Variants in DLGAP4 observed in about 807,000 individuals in gnomAD.
DLGAP4 encodes the protein DLG associated protein 4.
A neutral mutation model predicts 86.9 loss-of-function variants in DLGAP4; 18 were observed. That is an observed-to-expected ratio of 0.21 (90% CI 0.14 to 0.31). The LOEUF (loss-of-function observed/expected upper bound fraction) is 0.31. Among genes scored for constraint, DLGAP4 ranks in the 10% least tolerant of loss-of-function variants. DLGAP4 has a pLI of 1.00. For missense variants in DLGAP4, 1,085 were observed against 1,362.6 expected, an observed-to-expected ratio of 0.80 and a Z score of 3.21; for synonymous variants, 548 against 574.3, an observed-to-expected ratio of 0.95 and a Z score of 0.65.
chr20:36,521,891 G>T (rs529557268), intron 10 of DLGAP4, among the ~76,000 whole-genome samples: 5 of 152,262 alleles, frequency 3.3e-5, no homozygotes, highest in African/African-American at 1.2e-4. Flanking sequence ...TCCTGTGTCA[G>T]TTCCCTTTTA....
intron 2 of DLGAP4, among the ~76,000 whole-genome samples, chr20:36,399,845 T>C (rs577836331): frequency 3.3e-5 from 5 of 152,268 alleles, no homozygotes; most frequent in Admixed American, 2.0e-4. Context: ...CTGAATCTGC[T>C]AGTCAGGCTG....
In DLGAP4 at chr20:36,496,790, C is replaced by T. The variant is rs1310979416; in HGVS notation, c.1734C>T (p.Val578=). Residue 578 remains valine (V), a synonymous_variant, in exon 8 of 13, where the codon GTC becomes GTT. Coordinates refer to ENST00000339266, the MANE Select transcript of DLGAP4 (RefSeq NM_001365621.2). ...CAAAGCCGTTCATCTCAGTCACAGT[C>T]CAGAGCAGTACTGAGTCTGCCCAGG... The part of the protein sequence containing the change: ...TTSKPFISVT[V]QSSTESAQDT... 6.2e-7 allele frequency: 1 copy of T among 1,614,238 alleles called. No homozygotes were observed. Among genetic ancestry groups the T allele is most frequent in the East Asian group, 2.2e-5 (1 of 44,878 alleles).
chr20:36,516,896 G>A (rs1233654520), intron 10 of DLGAP4, among the ~76,000 whole-genome samples: 1 of 151,896 alleles, frequency 6.6e-6, no homozygotes, highest in Admixed American at 6.6e-5. Flanking sequence ...TTCAAGACTA[G>A]CCTGGGCAAC....
At chr20:36,374,595 T>C (rs2031079737) in intron 2 of DLGAP4, among the ~76,000 whole-genome samples, 2 of 152,224 alleles carry the variant, frequency 1.3e-5, no homozygotes, top group Admixed American at 6.5e-5. Flanking sequence ...CTCTGCCTTG[T>C]GCTGGAAGCA....
At chr20:36,461,464 G>C in intron 7 of DLGAP4, 2 of 980,072 alleles carry the variant, frequency 2.0e-6, no homozygotes, top group Middle Eastern at 5.3e-4. Context: ...CCCGCCCCTC[G>C]GGCGTACAAA....
intron 1 of DLGAP4, among the ~76,000 whole-genome samples, chr20:36,360,752 G>T (rs1196660924): frequency 6.6e-6 from 1 of 151,956 alleles, no homozygotes; most frequent in Admixed American, 6.6e-5. Context: ...GAGCATGGGG[G>T]GCTGGACATG....
At chr20:36,461,355 C>T (rs1468406605) in intron 7 of DLGAP4, 2 of 693,598 alleles carry the variant, frequency 2.9e-6, no homozygotes, top group Non-Finnish European at 3.5e-6. Flanking sequence ...AAGCGGGCTG[C>T]GCGCGCCCCT....
At chr20:36,411,973 T>A (rs1315048919) in intron 2 of DLGAP4, among the ~76,000 whole-genome samples, 1 of 152,214 alleles carries the variant, frequency 6.6e-6, no homozygotes, top group African/African-American at 2.4e-5. Flanking sequence ...TTAATCTCTG[T>A]CTTCACTGGG....
chr20:36,512,067 T>G (rs2036731287), intron 10 of DLGAP4, among the ~76,000 whole-genome samples: 1 of 148,220 alleles, frequency 6.7e-6, no homozygotes, highest in Non-Finnish European at 1.5e-5. Flanking sequence ...TTTTTTTTTT[T>G]TGAGAGAGAG....
intron 1 of DLGAP4, among the ~76,000 whole-genome samples, chr20:36,332,589 CA>C (rs1162584777): frequency 6.6e-6 from 1 of 152,044 alleles, no homozygotes; most frequent in Non-Finnish European, 1.5e-5. Flanking sequence ...AGGGTTTTGC[CA>C]TGTTGGTCAG....
intron 1 of DLGAP4, among the ~76,000 whole-genome samples, chr20:36,336,134 C>T (rs782523180): frequency 1.3e-5 from 2 of 152,200 alleles, no homozygotes; most frequent in East Asian, 1.9e-4. Flanking sequence ...ACCTCCACCA[C>T]GAACTTCCTC....
chr20:36,513,554 C>CAAAAAAAAAAA (rs562398294), intron 10 of DLGAP4, among the ~76,000 whole-genome samples: 1 of 40,550 alleles, frequency 2.5e-5, no homozygotes, highest in Non-Finnish European at 4.8e-5. Context: ...GACTCCGTCT[C>CAAAAAAAAAAA]AAAAAAAAAA....
chr20:36,391,401 CCCCAGGGACCAGGTT>C (rs2031780364), intron 2 of DLGAP4, among the ~76,000 whole-genome samples: 1 of 152,196 alleles, frequency 6.6e-6, no homozygotes, highest in South Asian at 2.1e-4. Flanking sequence ...ATAAAGCCAG[CCCCAGGGACCAGGTT>C]CAGAGCAGCT....
chr20:36,493,814 G>A (rs1428691572), intron 7 of DLGAP4, among the ~76,000 whole-genome samples: 1 of 152,200 alleles, frequency 6.6e-6, no homozygotes, highest in African/African-American at 2.4e-5. Context: ...TGCAAAGTGG[G>A]CATAGTCACG....
chr20:36,435,585 TCA>T (rs1569498333), intron 3 of DLGAP4, among the ~76,000 whole-genome samples: 2 of 152,216 alleles, frequency 1.3e-5, no homozygotes, highest in South Asian at 4.1e-4. Context: ...TCTCTGTATC[TCA>T]GTTTCCCCAC....
Position 36,408,392 on chromosome 20 carries a change from G to A in DLGAP4, c.-72-23254G>A, listed in dbSNP as rs1485285576. On this transcript the variant is annotated intron_variant, in intron 2 of 12. Coordinates refer to ENST00000339266, the MANE Select transcript of DLGAP4 (RefSeq NM_001365621.2). ...ATCTGCACCCGAGGACTAAGCGGGC[G>A]GGATGTTTATCCACCAGCTCCCCAT... Among the ~76,000 whole-genome samples the A allele has an allele frequency of 2.6e-5, 4 of 152,198 alleles. No individual in the cohort carries two copies. The East Asian group carries it at 7.7e-4, about 29-fold the overall frequency.
At chr20:36,487,792 G>A (rs376189124) in intron 7 of DLGAP4, among the ~76,000 whole-genome samples, 1 of 152,118 alleles carries the variant, frequency 6.6e-6, no homozygotes, top group African/African-American at 2.4e-5. Flanking sequence ...AACAAAATTG[G>A]CATGGGCCCA....
rs1310828548 is a variant in DLGAP4 at position 36,528,190 on chromosome 20, A to C, written c.*1159A>C. The C allele has an allele frequency of 1.5e-5, 2 of 130,934 alleles. No individual in the cohort carries two copies. The highest frequency in any genetic ancestry group is 1.6e-5 in the Non-Finnish European group (1 of 61,320). 8.1% of individuals were successfully genotyped at this position (130,934 alleles called of 1,614,324 possible). ...CCCCGCCCCGCACTCCTAAGGGCCC[A>C]TCTGCCCAGCCTCTGAGTTTTCTGT... is the stretch of plus-strand genomic sequence containing the variant. On this transcript the variant is annotated 3_prime_UTR_variant, in exon 13 of 13. Transcript: ENST00000339266.
At position 36,528,541 on chromosome 20, in the gene DLGAP4, G is replaced by C. The variant is rs1326246971; in HGVS notation, c.*1510G>C. 2 of 151,746 alleles carry C rather than the reference G, an allele frequency of 1.3e-5. No homozygotes were observed. Among genetic ancestry groups the C allele is most frequent in the African/African-American group, 4.9e-5 (2 of 41,052 alleles). 9.4% of individuals were successfully genotyped at this position (151,746 alleles called of 1,614,324 possible). A position where few individuals can be genotyped will look rare whatever the true frequency, so the allele number is the denominator to read the frequency against. ...ACCTTGGGCAAGTCACTTGACCTCT[G>C]TGTGCCTCAACTTCCTCCTCTGTAA... On this transcript the variant is annotated 3_prime_UTR_variant, in exon 13 of 13. Transcript: ENST00000339266.
Sources: gnomAD v4.1 joint callset for allele counts (sites outside exome capture counted in the v4.1 genomes callset) on GRCh38, gnomAD v4.1.1 for gene constraint, MANE v1.5 for transcripts, NCBI Gene and HGNC (gene_info 2026-07-23, HGNC 2026-07-21) for gene names.